Variants in MICAL2 observed in about 807,000 individuals in gnomAD.
The protein encoded by MICAL2 is microtubule associated monooxygenase, calponin and LIM domain containing 2.
Under a neutral mutation model 127.3 loss-of-function variants are expected in MICAL2, and 77 were observed. That is an observed-to-expected ratio of 0.60 (90% CI 0.50 to 0.73). MICAL2 has a LOEUF of 0.73. Among genes scored for constraint, MICAL2 ranks in the 30% least tolerant of loss-of-function variants. MICAL2 has a pLI of 0.00. For synonymous variants in MICAL2, 570 were observed against 551.1 expected (o/e 1.03, Z -0.48); for missense variants, 1,351 against 1,434.4 (o/e 0.94, Z 0.94).
chr11:12,279,972 A>C (rs1590719138), intron 1 of MICAL2, among the ~76,000 whole-genome samples: 1 of 152,240 alleles, frequency 6.6e-6, no homozygotes, highest in South Asian at 2.1e-4. Flanking sequence ...CTGGATTTCC[A>C]TGTACAGAGA....
intron 32 of MICAL2, among the ~76,000 whole-genome samples, chr11:12,335,453 T>C (rs201746053): frequency 0.05 from 7,675 of 152,130 alleles, 295 homozygotes; most frequent in South Asian, 0.15. Flanking sequence ...AGCTCTTGAG[T>C]TTAATTAGAT....
At chr11:12,274,840 G>A (rs1863707548), upstream of MICAL2, 1 of 152,352 alleles carries the variant, frequency 6.6e-6, no homozygotes, top group Non-Finnish European at 1.5e-5. Flanking sequence ...GTGATTTTAA[G>A]CAGAGGAGTG....
chr11:12,225,762 G>A (rs1857342873), intron 13 of MICAL2: 1 of 199,076 alleles, frequency 5.0e-6, no homozygotes, highest in South Asian at 8.5e-5. Context: ...TGGGATTATA[G>A]GTATGAGCCA....
At chr11:12,117,952 G>C (rs1004328683) in intron 1 of MICAL2, among the ~76,000 whole-genome samples, 16 of 152,214 alleles carry the variant, frequency 1.1e-4, no homozygotes, top group African/African-American at 3.9e-4. Context: ...GTCCTGTGAG[G>C]CTCATGCAGT....
intron 3 of MICAL2, among the ~76,000 whole-genome samples, chr11:12,182,074 A>T (rs1281357344): frequency 6.6e-6 from 1 of 152,250 alleles, no homozygotes; most frequent in Non-Finnish European, 1.5e-5. Context: ...AGAAATTATT[A>T]TAAGTGAATA....
In MICAL2 at chr11:12,324,814, C is replaced by G. The variant is rs555819546; in HGVS notation, c.5421+744C>G. Among the ~76,000 whole-genome samples, 4 of 152,312 alleles carry G rather than the reference C, an allele frequency of 2.6e-5. No individual in the cohort carries two copies. In the East Asian group the frequency reaches 7.7e-4, roughly 29 times the overall value. ...CGTCATTCAATCCACCCTCCTTTAC[C>G]CTTCCCCGTGGCTGACTTGGGAGCT... is the stretch of plus-strand genomic sequence containing the variant. On this transcript the variant is annotated intron_variant, in intron 31 of 34. Transcript: ENST00000646065.
Position 12,143,708 on chromosome 11 carries a change from C to G in MICAL2, c.-78+5248C>G, listed in dbSNP as rs146210463. On this transcript the variant is annotated intron_variant, in intron 2 of 27. Transcript: ENST00000683283. ...GTGAGTTCCTGCGCAGATTGACTCT[C>G]CAGGGATCATTTTGCATTCCAGACA... 2.2e-4 allele frequency among the ~76,000 whole-genome samples: 33 copies of G among 152,304 alleles called. No individual in the cohort carries two copies. The East Asian group carries it at 6.2e-3, about 28-fold the overall frequency.
At chr11:12,113,807 CT>C (rs1191696019) in intron 1 of MICAL2, among the ~76,000 whole-genome samples, 1 of 152,006 alleles carries the variant, frequency 6.6e-6, no homozygotes, top group Non-Finnish European at 1.5e-5. Flanking sequence ...CAGGCATTTA[CT>C]GGGGGTCTTG....
At chr11:12,214,789 G>T (rs2134210262) in intron 7 of MICAL2, among the ~76,000 whole-genome samples, 1 of 152,058 alleles carries the variant, frequency 6.6e-6, no homozygotes, top group African/African-American at 2.4e-5. Context: ...AGACCATAGG[G>T]CCCACAGGCC....
chr11:12,137,344 A>G (rs951220070), intron 1 of MICAL2, among the ~76,000 whole-genome samples: 1 of 152,188 alleles, frequency 6.6e-6, no homozygotes, highest in Non-Finnish European at 1.5e-5. Context: ...GGGAAAGACC[A>G]TGAGCACAGG....
At chr11:12,129,658 TG>T (rs1851251688) in intron 1 of MICAL2, among the ~76,000 whole-genome samples, 1 of 129,478 alleles carries the variant, frequency 7.7e-6, no homozygotes, top group Non-Finnish European at 1.7e-5. Context: ...TTTTTTTTGG[TG>T]GTCCTCAATT....
chr11:12,120,166 A>G (rs1174677856), intron 1 of MICAL2, among the ~76,000 whole-genome samples: 1 of 152,256 alleles, frequency 6.6e-6, no homozygotes, highest in Non-Finnish European at 1.5e-5. Flanking sequence ...CTTGGGGCTT[A>G]GAATTCCCAC....
chr11:12,190,731 T>C (rs1298037743), intron 3 of MICAL2, among the ~76,000 whole-genome samples: 1 of 152,118 alleles, frequency 6.6e-6, no homozygotes, highest in Non-Finnish European at 1.5e-5. Context: ...TAAGCAAGAG[T>C]GGTGATTAAT....
chr11:12,257,914 A>G (rs1862545553), intron 24 of MICAL2, among the ~76,000 whole-genome samples: 1 of 152,110 alleles, frequency 6.6e-6, no homozygotes, highest in African/African-American at 2.4e-5. Flanking sequence ...TTTCCTCCCC[A>G]TCACTGCTGC....
At position 12,249,331 on chromosome 11, in the gene MICAL2, C is replaced by T. The variant is rs545213742; in HGVS notation, c.2847+85C>T. On this transcript the variant is annotated intron_variant, in intron 22 of 27. Coordinates refer to ENST00000683283, the MANE Select transcript of MICAL2 (RefSeq NM_001282663.2). ...CACCTGCAGGGCTCTGGGAGTTAAG[C>T]GCATATGATCAGCAGCAGTACAGTG... is the stretch of plus-strand genomic sequence containing the variant. 6.5e-4 allele frequency: 511 copies of T among 785,878 alleles called. 1 individual carries two copies. The highest frequency in any genetic ancestry group is 9.1e-4 in the Non-Finnish European group (408 of 449,218). 48.7% of individuals were successfully genotyped at this position (785,878 alleles called of 1,614,324 possible).
At chr11:12,150,340 G>A (rs1224813244) in intron 2 of MICAL2, among the ~76,000 whole-genome samples, 1 of 152,044 alleles carries the variant, frequency 6.6e-6, no homozygotes. Flanking sequence ...TTCAGAACAG[G>A]GAGATTGGCC....
At chr11:12,330,873 G>C (rs1421712614) in intron 32 of MICAL2, among the ~76,000 whole-genome samples, 8 of 144,864 alleles carry the variant, frequency 5.5e-5, no homozygotes, top group Admixed American at 2.8e-4. Context: ...GAGAGAGAGA[G>C]AGAGAGAGAC....
intron 1 of MICAL2, among the ~76,000 whole-genome samples, chr11:12,279,759 C>T (rs891720490): frequency 9.9e-5 from 15 of 152,156 alleles, no homozygotes; most frequent in African/African-American, 2.9e-4. Flanking sequence ...GGTCTCAGAC[C>T]GTATCCATAA....
chr11:12,242,842 G>T, intron 20 of MICAL2, 70 bp downstream of exon 20: 2 of 1,155,532 alleles, frequency 1.7e-6, no homozygotes, highest in East Asian at 2.6e-5. Flanking sequence ...CTTGAATCAG[G>T]CTCTGAGCTC....
Sources: gnomAD v4.1 joint callset for allele counts (sites outside exome capture counted in the v4.1 genomes callset) on GRCh38, gnomAD v4.1.1 for gene constraint, MANE v1.5 for transcripts, NCBI Gene and HGNC (gene_info 2026-07-23, HGNC 2026-07-21) for gene names.